CHSY3: variants seen among roughly 807,000 people sequenced by gnomAD.
The protein encoded by CHSY3 is N-acetylgalactosaminyl-proteoglycan 3-beta-glucuronosyltransferase 3.
Under a neutral mutation model 67.2 loss-of-function variants are expected in CHSY3, and 35 were observed. The ratio of observed to expected loss-of-function variants is 0.52; its 90% CI spans 0.40 to 0.69. The LOEUF (loss-of-function observed/expected upper bound fraction) is 0.69, where lower values mean the gene tolerates loss of function less well. Ranked by LOEUF, CHSY3 falls within the 30% of genes least tolerant of loss-of-function variation. The pLI is 0.00. For synonymous variants in CHSY3, 474 were observed against 434.7 expected (o/e 1.09, Z -1.12); for missense variants, 1,069 against 1,138.5 (o/e 0.94, Z 0.88).
chr5:129,994,396 A>C (rs570711349), intron 2 of CHSY3, among the ~76,000 whole-genome samples: 87 of 152,180 alleles, frequency 5.7e-4, no homozygotes, highest in African/African-American at 2.0e-3. Flanking sequence ...TATTTCTTGG[A>C]GGCTTTGTTC....
chr5:130,154,567 G>A (rs1007434197), intron 2 of CHSY3, among the ~76,000 whole-genome samples: 4 of 152,224 alleles, frequency 2.6e-5, no homozygotes, highest in Non-Finnish European at 4.4e-5. Context: ...ATTCATTTGC[G>A]ATTATTCATA....
At chr5:129,995,827 C>G (rs970744839) in intron 2 of CHSY3, among the ~76,000 whole-genome samples, 1 of 151,950 alleles carries the variant, frequency 6.6e-6, no homozygotes, top group Non-Finnish European at 1.5e-5. Context: ...TTATCTTCTT[C>G]CCTGTGTCTT....
At chr5:130,143,820 A>ATATATATATATATATATGTGTG (rs1768987014) in intron 2 of CHSY3, among the ~76,000 whole-genome samples, 1 of 124,154 alleles carries the variant, frequency 8.1e-6, no homozygotes, top group East Asian at 2.5e-4. Context: ...GTATATATAT[A>ATATATATATATATATATGTGTG]TATATATATA....
chr5:130,104,664 G>C (rs1767357815), intron 2 of CHSY3, among the ~76,000 whole-genome samples: 1 of 151,748 alleles, frequency 6.6e-6, no homozygotes, highest in Non-Finnish European at 1.5e-5. Flanking sequence ...GCACTAATGT[G>C]AGACAAGTAG....
intron 2 of CHSY3, among the ~76,000 whole-genome samples, chr5:130,144,060 C>G (rs1434884734): frequency 2.0e-5 from 3 of 150,450 alleles, no homozygotes; most frequent in Non-Finnish European, 3.0e-5. Context: ...ATTGTAATGA[C>G]TTGTGGGTGG....
In CHSY3 at chr5:130,184,950, T is replaced by C. The variant is rs1298241708; in HGVS notation, c.1808T>C (p.Ile603Thr). 2.6e-6 allele frequency: 4 copies of C among 1,560,464 alleles called. No individual in the cohort carries two copies. The highest frequency in any genetic ancestry group is 2.2e-5 in the East Asian group (1 of 44,560). ...SFSFISNSLK[I>T]LSSFQGAKEM... ...TCCTTTATATCTAATTCTTTAAAGA[T>C]ATTATCTTCTTTTCAAGGTGCCAAA... The change falls in exon 3 of 3, where the codon ATA becomes ACA. Residue 603 changes from isoleucine (I) to threonine (T), a missense_variant. Coordinates refer to ENST00000305031, the MANE Select transcript of CHSY3 (RefSeq NM_175856.5).
chr5:129,967,550 T>C (rs1271541287), intron 2 of CHSY3, among the ~76,000 whole-genome samples: 2 of 151,958 alleles, frequency 1.3e-5, no homozygotes, highest in African/African-American at 4.8e-5. Context: ...ACCCTCCTAA[T>C]TATCTGTGAA....
At chr5:130,181,676 C>CAT (rs1770248365) in intron 2 of CHSY3, among the ~76,000 whole-genome samples, 1 of 152,104 alleles carries the variant, frequency 6.6e-6, no homozygotes, top group South Asian at 2.1e-4. Flanking sequence ...AATAAAAGAA[C>CAT]ATTACCAGCA....
chr5:130,143,758 GTGTGTGTGTGT>G lies in CHSY3; in HGVS notation c.1087-40470_1087-40460del, dbSNP rs1768960140. 5.2e-5 allele frequency among the ~76,000 whole-genome samples: 3 copies of G among 57,748 alleles called. No homozygotes were observed. The South Asian group carries it at 2.1e-3, about 40-fold the overall frequency. 37.9% of individuals were successfully genotyped at this position (57,748 alleles called of 152,430 possible). ...TGTATATATATATATATATATATATGTGTGTGTGTGTATATATATATATGTGTATATATATA... is the reference window on the plus strand; with the variant it reads ...TGTATATATATATATATATATATATGATATATATATATGTGTATATATATA... On this transcript the variant is annotated intron_variant, in intron 2 of 2. Coordinates refer to ENST00000305031, the MANE Select transcript of CHSY3 (RefSeq NM_175856.5).
At chr5:129,988,270 A>G (rs1182693151) in intron 2 of CHSY3, among the ~76,000 whole-genome samples, 1 of 152,184 alleles carries the variant, frequency 6.6e-6, no homozygotes, top group African/African-American at 2.4e-5. Context: ...CTGTTTAATC[A>G]CTCAGGTGAT....
chr5:130,183,574 G>A (rs561302503), intron 2 of CHSY3, among the ~76,000 whole-genome samples: 9 of 152,116 alleles, frequency 5.9e-5, no homozygotes, highest in South Asian at 4.2e-4. Context: ...CTCCTTCTCC[G>A]TGATCTGTTA....
In CHSY3 at chr5:130,061,713, A is replaced by G. The variant is rs148735776; in HGVS notation, c.1087-122516A>G. On this transcript the variant is annotated intron_variant, in intron 2 of 2. Coordinates refer to ENST00000305031, the MANE Select transcript of CHSY3 (RefSeq NM_175856.5). ...GAACTCAGACAATGCAACAGGAAAA[A>G]GACAACCCCACTGAAAGCTGGGCAA... 5.3e-5 allele frequency among the ~76,000 whole-genome samples: 8 copies of G among 152,272 alleles called. No homozygotes were observed. The East Asian group carries it at 1.5e-3, about 29-fold the overall frequency.
intron 2 of CHSY3, among the ~76,000 whole-genome samples, chr5:130,181,524 T>C (rs888590717): frequency 6.6e-6 from 1 of 152,196 alleles, no homozygotes; most frequent in African/African-American, 2.4e-5. Context: ...CAGAAAAGCA[T>C]ATCTAATTCT....
intron 2 of CHSY3, among the ~76,000 whole-genome samples, chr5:129,947,296 C>T (rs1319671861): frequency 6.6e-6 from 1 of 152,066 alleles, no homozygotes; most frequent in African/African-American, 2.4e-5. Flanking sequence ...CTTTCCCTCC[C>T]ACGACATATG....
chr5:130,111,552 A>G (rs76332700), intron 2 of CHSY3, among the ~76,000 whole-genome samples: 1,946 of 152,204 alleles, frequency 0.013, 49 homozygotes, highest in African/African-American at 0.044. Context: ...TATGACCACC[A>G]TGTTCTAGAA....
chr5:130,015,142 A>T (rs957392509), intron 2 of CHSY3, among the ~76,000 whole-genome samples: 5 of 151,888 alleles, frequency 3.3e-5, no homozygotes, highest in Non-Finnish European at 7.4e-5. Flanking sequence ...ATGAGATCTG[A>T]TGGTTTAAAA....
At chr5:130,021,883 T>A (rs543893607) in intron 2 of CHSY3, among the ~76,000 whole-genome samples, 2 of 152,270 alleles carry the variant, frequency 1.3e-5, no homozygotes, top group South Asian at 4.1e-4. Context: ...ATAGTCATCA[T>A]TTCTATTGTT....
chr5:130,143,740 ATATATATATATATATATGTGTG>A (rs1768954524), intron 2 of CHSY3, among the ~76,000 whole-genome samples: 2 of 118,382 alleles, frequency 1.7e-5, no homozygotes, highest in Admixed American at 8.8e-5. Context: ...GTGTGTATAT[ATATATATATATATATATGTGTG>A]TGTGTGTATA....
Position 129,922,947 on chromosome 5 carries a change from G to A in CHSY3, c.1086+14587G>A, listed in dbSNP as rs78431632. Among the ~76,000 whole-genome samples the A allele has an allele frequency of 6.4e-3, 976 of 152,324 alleles. 16 individuals are homozygous for A. Among genetic ancestry groups the A allele is most frequent in the African/African-American group, 0.022 (919 of 41,572 alleles). On this transcript the variant is annotated intron_variant, in intron 2 of 2. Coordinates refer to ENST00000305031, the MANE Select transcript of CHSY3 (RefSeq NM_175856.5). ...GCAGTCATGTTGGAAAATCAGTTCT[G>A]TAGATAATGGGGAGCTTTGAAGAGT...
Sources: allele counts gnomAD v4.1 joint callset (sites outside exome capture counted in the v4.1 genomes callset), GRCh38; gene constraint gnomAD v4.1.1; transcripts MANE v1.5; gene names NCBI Gene and HGNC (gene_info 2026-07-23, HGNC 2026-07-21).